The following SNX2 variants were observed in gnomAD, a reference collection of about 807,000 sequenced individuals.
SNX2 encodes sorting nexin 2, also known as sorting nexin-2.
SNX2 carries 25 observed loss-of-function variants against 69.9 expected under a neutral mutation model. That is an observed-to-expected ratio of 0.36 (90% CI 0.26 to 0.50). The LOEUF (loss-of-function observed/expected upper bound fraction) is 0.50, where lower values mean the gene tolerates loss of function less well. SNX2 is among the 20% of genes least tolerant of loss of function. The pLI is 0.97. For synonymous variants in SNX2, 229 were observed against 200.4 expected (o/e 1.14, Z -1.20); for missense variants, 551 against 613.3 (o/e 0.90, Z 1.07).
At chr5:122,800,690 A>G (rs1299015935) in intron 3 of SNX2, among the ~76,000 whole-genome samples, 1 of 152,192 alleles carries the variant, frequency 6.6e-6, no homozygotes, top group African/African-American at 2.4e-5. Flanking sequence ...TGAACTGTAC[A>G]CTTAAAATTT....
rs1166599439 is a variant in SNX2, at chr5:122,834,334, A to C, written c.*4686A>C. The C allele has an allele frequency of 6.6e-6, 1 of 152,180 alleles. No homozygotes were observed. The allele number at this position is 152,180 out of a possible 1,614,324, so 9.4% of individuals were successfully genotyped here. On this transcript the variant is annotated 3_prime_UTR_variant, in exon 15 of 15. Transcript: ENST00000379516. ...TCACATACTTTTAAAAAATTCTCTA[A>C]AGATTGAATAATTTTAAGTATTTCT... is the stretch of plus-strand genomic sequence containing the variant.
chr5:122,813,913 A>T (rs2150013257), intron 7 of SNX2, among the ~76,000 whole-genome samples: 1 of 151,952 alleles, frequency 6.6e-6, no homozygotes, highest in Non-Finnish European at 1.5e-5. Flanking sequence ...AGCTGGGACT[A>T]CAGGTGCATG....
At chr5:122,827,821 GT>G (rs5871011) in intron 14 of SNX2, 175 bp downstream of exon 14, 171,789 of 441,808 alleles carry the variant, frequency 0.39, 13,493 homozygotes, top group African/African-American at 0.48. Context: ...TATCTCACGT[GT>G]TTTTTTTTTT....
At chr5:122,806,142 G>GCACGCGCACACACACACACACA (rs1554063175) in intron 6 of SNX2, among the ~76,000 whole-genome samples, 115 of 130,646 alleles carry the variant, frequency 8.8e-4, no homozygotes, top group Middle Eastern at 3.8e-3. Context: ...ACACGCGCGC[G>GCACGCGCACACACACACACACA]CACACACACA....
chr5:122,778,660 C>T (rs1290511551), intron 1 of SNX2, among the ~76,000 whole-genome samples: 1 of 152,120 alleles, frequency 6.6e-6, no homozygotes, highest in Non-Finnish European at 1.5e-5. Flanking sequence ...AGGCGTGCAC[C>T]ACCATGCCCT....
rs1487048693 is a variant in SNX2, at chr5:122,775,175, A to T, written c.72A>T (p.Gly24=). 1 of 1,594,414 alleles carries T rather than the reference A, an allele frequency of 6.3e-7. No individual in the cohort carries two copies. Among genetic ancestry groups the T allele is most frequent in the South Asian group, 1.2e-5 (1 of 86,932 alleles). ...KPTDFEDLED[G]EDLFTSTVST... The stretch of plus-strand genomic sequence containing the variant: ...CCGACTTTGAGGATCTGGAGGACGG[A>T]GAGGACCTGTTCACCAGCACTGTCT... Residue 24 remains glycine, a synonymous_variant, in exon 1 of 15, where the codon GGA becomes GGT. Transcript: ENST00000379516.
intron 2 of SNX2, among the ~76,000 whole-genome samples, chr5:122,796,203 G>A (rs1458218167): frequency 2.0e-5 from 3 of 151,816 alleles, no homozygotes; most frequent in Non-Finnish European, 4.4e-5. Flanking sequence ...CCTTGCTACA[G>A]TATTGGCACA....
intron 2 of SNX2, among the ~76,000 whole-genome samples, chr5:122,795,834 G>T (rs753456927): frequency 6.6e-5 from 10 of 152,090 alleles, no homozygotes; most frequent in Admixed American, 2.0e-4. Flanking sequence ...CCCACTTTTA[G>T]GTGAATAAAT....
intron 2 of SNX2, among the ~76,000 whole-genome samples, chr5:122,799,013 C>T (rs887629859): frequency 6.6e-6 from 1 of 152,082 alleles, no homozygotes; most frequent in Non-Finnish European, 1.5e-5. Context: ...TGATATTTTA[C>T]ATTTTTGTGT....
At chr5:122,817,848 CA>C (rs1169003093) in intron 10 of SNX2, among the ~76,000 whole-genome samples, 1 of 152,064 alleles carries the variant, frequency 6.6e-6, no homozygotes, top group East Asian at 1.9e-4. Context: ...GTATTTTCTT[CA>C]TTTTTGAACT....
rs572725658 is a variant in SNX2 at position 122,830,467 on chromosome 5, C to T, written c.*819C>T. ...CATCTTCTCGTTATCTTCAGAATCT[C>T]GTACTTTGCATATATTTAATTTATT... is the stretch of plus-strand genomic sequence containing the variant. On this transcript the variant is annotated 3_prime_UTR_variant, in exon 15 of 15. Coordinates refer to ENST00000379516, the MANE Select transcript of SNX2 (RefSeq NM_003100.4). 1.2e-4 allele frequency among the ~76,000 whole-genome samples: 19 copies of T among 152,226 alleles called. No homozygotes were observed. The South Asian group carries it at 2.7e-3, about 22-fold the overall frequency.
At chr5:122,775,297 C>T (rs1376368791) in intron 1 of SNX2, 86 bp downstream of exon 1, 1 of 1,459,718 alleles carries the variant, frequency 6.9e-7, no homozygotes, top group Non-Finnish European at 9.1e-7. Context: ...CTCCCCATCC[C>T]CCGTGTTTGC....
At chr5:122,802,381 G>C (rs1581634646) in intron 5 of SNX2, among the ~76,000 whole-genome samples, 1 of 152,110 alleles carries the variant, frequency 6.6e-6, no homozygotes, top group East Asian at 1.9e-4. Flanking sequence ...GGAGGAGGGG[G>C]GGAAGAAGAA....
chr5:122,800,673 G>T (rs1158749526), intron 3 of SNX2, among the ~76,000 whole-genome samples: 1 of 151,994 alleles, frequency 6.6e-6, no homozygotes, highest in Non-Finnish European at 1.5e-5. Context: ...ACTTTGTAAA[G>T]GTTTATTGAA....
At chr5:122,780,715 G>A (rs1752962361) in intron 1 of SNX2, among the ~76,000 whole-genome samples, 1 of 151,656 alleles carries the variant, frequency 6.6e-6, no homozygotes, top group Non-Finnish European at 1.5e-5. Flanking sequence ...GATTACAGGT[G>A]CACGCCACCA....
rs761437804 is a variant in SNX2, at chr5:122,775,140, G to C, written c.37G>C (p.Gly13Arg). The stretch of plus-strand genomic sequence containing the variant: ...GAGGGAACCTCCTCCGCTGGGGGAC[G>C]GGAAGCCCACCGACTTTGAGGATCT... ...AEREPPPLGD[G>R]KPTDFEDLED... The change falls in exon 1 of 15, where the codon GGG (glycine) becomes CGG (arginine). Residue 13 changes from glycine to arginine, a missense_variant. Gly to Arg is a moderately radical substitution (Grantham distance 125). Transcript: ENST00000379516. The C allele has an allele frequency of 2.2e-5, 35 of 1,595,920 alleles. No individual in the cohort carries two copies. The highest frequency in any genetic ancestry group is 2.9e-5 in the Non-Finnish European group (34 of 1,173,012).
chr5:122,807,497 T>TG (rs1255720496), intron 6 of SNX2, among the ~76,000 whole-genome samples: 2 of 152,184 alleles, frequency 1.3e-5, no homozygotes. Context: ...GATCATGCAG[T>TG]AGATGATTTT....
chr5:122,805,671 T>G (rs186908536), intron 6 of SNX2, among the ~76,000 whole-genome samples: 296 of 152,230 alleles, frequency 1.9e-3, no homozygotes, highest in African/African-American at 6.9e-3. Context: ...ATAGGGACGG[T>G]TCAATCCAAA....
At chr5:122,826,244 CATATAT>C in intron 12 of SNX2, 51 bp downstream of exon 12, 1 of 1,475,768 alleles carries the variant, frequency 6.8e-7, no homozygotes, top group African/African-American at 1.5e-5. Context: ...ATGAGTCATT[CATATAT>C]ACATAATTTT....
Sources: gnomAD v4.1 joint callset for allele counts (sites outside exome capture counted in the v4.1 genomes callset) on GRCh38, gnomAD v4.1.1 for gene constraint, MANE v1.5 for transcripts, NCBI Gene and HGNC (gene_info 2026-07-23, HGNC 2026-07-21) for gene names.